AGTPBP1: variants seen among roughly 807,000 people sequenced by gnomAD.
AGTPBP1 encodes the protein ATP/GTP binding carboxypeptidase 1, also known as cytosolic carboxypeptidase 1.
In AGTPBP1, 70 loss-of-function variants were observed where a neutral mutation model predicts 143.9. That is an observed-to-expected ratio of 0.49 (90% CI 0.40 to 0.59). The LOEUF (loss-of-function observed/expected upper bound fraction) is 0.59, where lower values mean the gene tolerates loss of function less well. AGTPBP1 is among the 20% of genes least tolerant of loss of function. The pLI, the probability that AGTPBP1 is intolerant of heterozygous loss-of-function variation, is 0.00. For missense variants in AGTPBP1, 1,229 were observed against 1,464.5 expected (o/e 0.84, Z 2.62); for synonymous variants, 463 against 500.2 (o/e 0.93, Z 0.99).
chr9:85,607,139 A>C (rs1202269673), intron 17 of AGTPBP1, among the ~76,000 whole-genome samples: 1 of 152,022 alleles, frequency 6.6e-6, no homozygotes, highest in East Asian at 1.9e-4. Context: ...CACATTCTAT[A>C]CATGTAACAA....
At chr9:85,581,898 T>C (rs1426104464) in intron 23 of AGTPBP1, among the ~76,000 whole-genome samples, 2 of 152,294 alleles carry the variant, frequency 1.3e-5, no homozygotes, top group East Asian at 3.9e-4. Flanking sequence ...CGTTGGAGCA[T>C]TTTGGATTTC....
chr9:85,639,484 CA>C lies in AGTPBP1; in HGVS notation c.1302+3342del, dbSNP rs201624344. 9.7e-3 allele frequency among the ~76,000 whole-genome samples: 1,467 copies of C among 151,888 alleles called. 20 individuals carry two copies. Among genetic ancestry groups the C allele is most frequent in the African/African-American group, 0.033 (1,374 of 41,438 alleles). On this transcript the variant is annotated intron_variant, in intron 13 of 25. Transcript: ENST00000357081. ...AGAAAATAAAAAAGAATGAAAGCAG[CA>C]AAAGTCAAGACACAGCACTTTAAAC...
chr9:85,742,580 G>A (rs3812508), upstream of AGTPBP1, among the ~76,000 whole-genome samples: 13,035 of 152,154 alleles, frequency 0.086, 1,235 homozygotes, highest in East Asian at 0.55. Flanking sequence ...CAGTAAATTA[G>A]ATGCCTAGTG....
intron 25 of AGTPBP1, among the ~76,000 whole-genome samples, chr9:85,562,286 G>C (rs558565897): frequency 6.7e-6 from 1 of 150,214 alleles, no homozygotes; most frequent in Non-Finnish European, 1.5e-5. Flanking sequence ...TAATCTGGTA[G>C]ATTTAAACCT....
At chr9:85,635,636 G>C (rs1377035874) in intron 13 of AGTPBP1, among the ~76,000 whole-genome samples, 1 of 152,088 alleles carries the variant, frequency 6.6e-6, no homozygotes, top group African/African-American at 2.4e-5. Context: ...ATAAGCTAAA[G>C]ACTGAAGCTA....
chr9:85,622,478 A>G (rs1025788679), intron 14 of AGTPBP1, among the ~76,000 whole-genome samples: 1 of 152,198 alleles, frequency 6.6e-6, no homozygotes, highest in Non-Finnish European at 1.5e-5. Context: ...ATTAAAAATT[A>G]CCAGGAAAAT....
intron 2 of AGTPBP1, among the ~76,000 whole-genome samples, chr9:85,698,336 A>G (rs1169824087): frequency 2.6e-5 from 4 of 152,278 alleles, no homozygotes; most frequent in Non-Finnish European, 4.4e-5. Flanking sequence ...AGATGGGTAA[A>G]TTTTTTAAAG....
At chr9:85,655,913 C>T (rs1257072917) in intron 10 of AGTPBP1, among the ~76,000 whole-genome samples, 3 of 152,166 alleles carry the variant, frequency 2.0e-5, no homozygotes, top group Non-Finnish European at 2.9e-5. Flanking sequence ...CTGCAAGCTC[C>T]GCCTCCTGGG....
intron 1 of AGTPBP1, among the ~76,000 whole-genome samples, chr9:85,735,184 G>A (rs568275999): frequency 3.9e-5 from 6 of 152,292 alleles, no homozygotes; most frequent in Admixed American, 3.9e-4. Context: ...ACATATAACA[G>A]ATTATCCAGC....
Position 85,609,924 on chromosome 9 carries a change from C to A in AGTPBP1, c.2335+9059G>T, listed in dbSNP as rs760275687. On this transcript the variant is annotated intron_variant, in intron 17 of 25. Coordinates refer to ENST00000357081, the MANE Select transcript of AGTPBP1 (RefSeq NM_001330701.2). ...TCTCAAAGTACCTCAATGTATAACACTAATTACAAAGAGAAGAAGGAAATG... is the reference window on the plus strand; with the variant it reads ...TCTCAAAGTACCTCAATGTATAACAATAATTACAAAGAGAAGAAGGAAATG... Among the ~76,000 whole-genome samples, 9 of 152,074 alleles carry A rather than the reference C, an allele frequency of 5.9e-5. No homozygotes were observed. The East Asian group carries it at 1.5e-3, about 26-fold the overall frequency.
chr9:85,693,783 T>C (rs891178228), intron 2 of AGTPBP1, among the ~76,000 whole-genome samples: 3 of 151,712 alleles, frequency 2.0e-5, no homozygotes, highest in Admixed American at 6.6e-5. Context: ...AAAAAGCACA[T>C]TGGGGGAATA....
intron 13 of AGTPBP1, among the ~76,000 whole-genome samples, chr9:85,634,707 T>G (rs1430779250): frequency 1.3e-5 from 2 of 152,182 alleles, no homozygotes; most frequent in African/African-American, 4.8e-5. Context: ...TTTCCAAAAT[T>G]TTGCTATTAT....
chr9:85,740,880 C>T (rs114276016), intron 1 of AGTPBP1, among the ~76,000 whole-genome samples: 1 of 152,124 alleles, frequency 6.6e-6, no homozygotes, highest in Non-Finnish European at 1.5e-5. Flanking sequence ...TATGTTAAAA[C>T]GGGAAATGGG....
chr9:85,618,938 A>T (rs1830750988), intron 17 of AGTPBP1, 45 bp downstream of exon 17: 2 of 1,560,722 alleles, frequency 1.3e-6, no homozygotes, highest in Non-Finnish European at 1.7e-6. Flanking sequence ...TTCCACAGTT[A>T]AGATGCCTGC....
intron 2 of AGTPBP1, among the ~76,000 whole-genome samples, chr9:85,707,171 G>T (rs1329009538): frequency 6.6e-6 from 1 of 151,910 alleles, no homozygotes; most frequent in Non-Finnish European, 1.5e-5. Flanking sequence ...AAAATCAAAA[G>T]GGAAATCAGA....
intron 25 of AGTPBP1, 130 bp from the exon 26 acceptor site, chr9:85,547,416 T>C (rs1825794717): frequency 2.6e-6 from 2 of 759,480 alleles, no homozygotes; most frequent in African/African-American, 3.6e-5. Flanking sequence ...AAAAATCTTA[T>C]CCAAATGAAC....
At chr9:85,723,516 T>C (rs537314992) in intron 1 of AGTPBP1, among the ~76,000 whole-genome samples, 71 of 152,304 alleles carry the variant, frequency 4.7e-4, no homozygotes, top group Non-Finnish European at 6.3e-4. Context: ...CAGGAGGGAA[T>C]TTCCTGGTCT....
chr9:85,770,347 A>G, the AGTPBP1 span: 1 of 1,608,060 alleles, frequency 6.2e-7, no homozygotes, highest in South Asian at 1.1e-5. Context: ...AATTGAATAC[A>G]AGAATGAAAG....
chr9:85,668,633 C>G (rs1834276570), intron 8 of AGTPBP1, among the ~76,000 whole-genome samples: 1 of 151,682 alleles, frequency 6.6e-6, no homozygotes, highest in Non-Finnish European at 1.5e-5. Flanking sequence ...GAAATACACA[C>G]ACATTTATGT....
Sources: gnomAD v4.1 joint callset for allele counts (sites outside exome capture counted in the v4.1 genomes callset) on GRCh38, gnomAD v4.1.1 for gene constraint, MANE v1.5 for transcripts, NCBI Gene and HGNC (gene_info 2026-07-23, HGNC 2026-07-21) for gene names.